CLCN2: variants seen among roughly 807,000 people sequenced by gnomAD.
CLCN2 encodes chloride voltage-gated channel 2.
In CLCN2, 72 loss-of-function variants were observed where a neutral mutation model predicts 108.3. The ratio of observed to expected loss-of-function variants is 0.66; its 90% CI spans 0.55 to 0.81. CLCN2 has a LOEUF of 0.81. Among genes scored for constraint, CLCN2 ranks in the 30% least tolerant of loss-of-function variants. The pLI is 0.00. For missense variants in CLCN2, 1,048 were observed against 1,205.2 expected (o/e 0.87, Z 1.93); for synonymous variants, 471 against 467.1 (o/e 1.01, Z -0.11).
At position 184,355,245 on chromosome 3, in the gene CLCN2, T is replaced by G; in HGVS notation, c.1326+129A>C. 9.2e-7 allele frequency: 1 copy of G among 1,085,128 alleles called. No homozygotes were observed. Among genetic ancestry groups the G allele is most frequent in the Non-Finnish European group, 1.4e-6 (1 of 708,890 alleles). The allele number at this position is 1,085,128 out of a possible 1,614,324, so 67.2% of individuals were successfully genotyped here. On this transcript the variant is annotated intron_variant, in intron 12 of 23. Coordinates refer to ENST00000265593, the MANE Select transcript of CLCN2 (RefSeq NM_004366.6). This position sits in a 1 kb window ranked among gnomAD's most constrained non-coding sequence, Gnocchi z 6.3. ...ACTTGTGTTTCGACTCCCCCATCTTTCAAACGGGGGTGATAATAGTGCCTT... is the reference window on the plus strand; with the variant it reads ...ACTTGTGTTTCGACTCCCCCATCTTGCAAACGGGGGTGATAATAGTGCCTT...
In CLCN2 at chr3:184,355,751, G is replaced by A; in HGVS notation, c.1113C>T (p.Thr371=). The A allele has an allele frequency of 6.2e-7, 1 of 1,614,182 alleles. No individual in the cohort carries two copies. The change falls in exon 11 of 24, where the codon ACC becomes ACT. Residue 371 remains threonine, a synonymous_variant. Transcript: ENST00000265593. The surrounding 1 kb of genome is among the most constrained non-coding windows in gnomAD (Gnocchi z 6.3). Reference sequence around the variant, plus strand: ...GGAAGGTCAGCGTGGAGATGAGCAGGGTCACCAGAGCCGGGAAGAGCAGGC... The same window carrying A: ...GGAAGGTCAGCGTGGAGATGAGCAGAGTCACCAGAGCCGGGAAGAGCAGGC... ...RKRLLFPALV[T]LLISTLTFPP... is the part of the protein sequence containing the mutation.
chr3:184,349,864 T>C (rs2108557804), intron 22 of CLCN2, among the ~76,000 whole-genome samples: 1 of 152,278 alleles, frequency 6.6e-6, no homozygotes, highest in South Asian at 2.1e-4. Context: ...CACTCTGGCC[T>C]TTACCATTGC....
chr3:184,359,777 C>T (rs1711729551), intron 1 of CLCN2, among the ~76,000 whole-genome samples: 1 of 152,176 alleles, frequency 6.6e-6, no homozygotes, highest in Non-Finnish European at 1.5e-5. Context: ...CATTCTGGAG[C>T]TGCACTGAGC....
chr3:184,354,497 G>C (rs765886205), intron 14 of CLCN2, 51 bp downstream of exon 14: 2 of 1,488,662 alleles, frequency 1.3e-6, no homozygotes, highest in South Asian at 2.3e-5. Flanking sequence ...CCCTGTGGCT[G>C]GGGCGTGGGT....
At chr3:184,356,828 C>T (rs1023318838) in intron 10 of CLCN2, 165 bp downstream of exon 10, 1 of 651,796 alleles carries the variant, frequency 1.5e-6, no homozygotes, top group Non-Finnish European at 2.8e-6. Flanking sequence ...TCAGGTAATT[C>T]ATATGAATAT....
rs1368672272 is a variant in CLCN2 at position 184,354,917 on chromosome 3, AG to A, written c.1382del (p.Pro461LeufsTer51). ...CTGAGAACTCACCAATGACAAAGACAGGCATGAAGGCCCCACAGGGAACTGG... is the reference window on the plus strand; with the variant it reads ...CTGAGAACTCACCAATGACAAAGACAGCATGAAGGCCCCACAGGGAACTGG... ...TIPVPCGAFM[P>X]VFVIGAAFGR... is the part of the protein sequence containing the mutation. On this transcript the variant is annotated frameshift_variant, in exon 13 of 24. Transcript: ENST00000265593. LOFTEE classifies it high-confidence loss of function. The A allele has an allele frequency of 1.2e-6, 2 of 1,613,942 alleles. No individual in the cohort carries two copies. The highest frequency in any genetic ancestry group is 1.7e-6 in the Non-Finnish European group (2 of 1,179,952).
At position 184,358,802 on chromosome 3, in the gene CLCN2, G is replaced by A. The variant is rs746609426; in HGVS notation, c.232C>T (p.Arg78Cys). ...RCARCRVCSV[R>C]CHKFLVSRVG... Reference sequence around the variant, plus strand: ...CTGGATACTAGGAACTTGTGGCAGCGGACAGAACAGACTGGGTGCAGGGAA... The same window carrying A: ...CTGGATACTAGGAACTTGTGGCAGCAGACAGAACAGACTGGGTGCAGGGAA... Residue 78 changes from arginine to cysteine, a missense_variant, in exon 3 of 24, where the codon CGC becomes TGC. Coordinates refer to ENST00000265593, the MANE Select transcript of CLCN2 (RefSeq NM_004366.6). The A allele has an allele frequency of 6.8e-6, 11 of 1,613,562 alleles. No individual in the cohort carries two copies. Among genetic ancestry groups the A allele is most frequent in the African/African-American group, 2.7e-5 (2 of 74,920 alleles).
Position 184,354,833 on chromosome 3 carries a change from AGGGTTGGCT to A in CLCN2, c.1396+62_1396+70del, listed in dbSNP as rs1728420653. 4 of 1,534,072 alleles carry A rather than the reference AGGGTTGGCT, an allele frequency of 2.6e-6. No individual in the cohort carries two copies. The African/African-American group carries it at 4.1e-5, about 16-fold the overall frequency. ...GGACCAAAAACCCGCTCTTGGGCAG[AGGGTTGGCT>A]GGGGGGGTGGCCAGAGGCTGAGGAA... On this transcript the variant is annotated intron_variant, in intron 13 of 23. Coordinates refer to ENST00000265593, the MANE Select transcript of CLCN2 (RefSeq NM_004366.6).
rs368792864 is a variant in CLCN2 at position 184,354,820 on chromosome 3, C to T, written c.1396+84G>A. The T allele has an allele frequency of 5.6e-5, 84 of 1,510,488 alleles. 1 individual carries two copies. The South Asian group carries it at 7.5e-4, about 14-fold the overall frequency. 93.6% of individuals were successfully genotyped at this position (1,510,488 alleles called of 1,614,324 possible). On this transcript the variant is annotated intron_variant, in intron 13 of 23. Transcript: ENST00000265593. ...TCGGGCTAGGGCTGGACCAAAAACC[C>T]GCTCTTGGGCAGAGGGTTGGCTGGG...
intron 10 of CLCN2, 52 bp downstream of exon 10, chr3:184,356,941 G>C: frequency 7.7e-7 from 1 of 1,291,640 alleles, no homozygotes; most frequent in Non-Finnish European, 1.1e-6. Flanking sequence ...CTGACCTACT[G>C]TGGCCCTTAT....
chr3:184,353,608 G>A (rs958189069), intron 16 of CLCN2, 54 bp downstream of exon 16: 53 of 1,607,094 alleles, frequency 3.3e-5, no homozygotes, highest in East Asian at 8.9e-5. Context: ...GCCCCTTCCC[G>A]AAGCTTCGAC....
intron 1 of CLCN2, among the ~76,000 whole-genome samples, chr3:184,359,388 C>T (rs551372538): frequency 3.3e-5 from 5 of 152,330 alleles, no homozygotes; most frequent in Admixed American, 3.3e-4. Flanking sequence ...GTCCTCTTCT[C>T]ACAGGCCTGG....
At position 184,352,288 on chromosome 3, in the gene CLCN2, C is replaced by G. The variant is rs370148251; in HGVS notation, c.2310+5G>C. ...AACAGGGTCCAGAGTCCAGTGGCACCTTACCTCTTCAGGGCTCATCTCGCC... is the reference window on the plus strand; with the variant it reads ...AACAGGGTCCAGAGTCCAGTGGCACGTTACCTCTTCAGGGCTCATCTCGCC... On this transcript the variant is annotated splice_donor_5th_base_variant and intron_variant, in intron 21 of 23. Transcript: ENST00000265593. The G allele has an allele frequency of 6.2e-7, 1 of 1,613,348 alleles. No homozygotes were observed. Among genetic ancestry groups the G allele is most frequent in the East Asian group, 2.2e-5 (1 of 44,890 alleles).
At chr3:184,352,614 A>G (rs1476886142) in intron 19 of CLCN2, 118 bp from the exon 20 acceptor site, 3 of 1,448,466 alleles carry the variant, frequency 2.1e-6, no homozygotes, top group African/African-American at 2.8e-5. Context: ...CTGAGCTGAC[A>G]GCAGGGAGGG....
chr3:184,346,749 G>C lies in CLCN2; in HGVS notation c.2554C>G (p.Pro852Ala). 1 of 1,614,144 alleles carries C rather than the reference G, an allele frequency of 6.2e-7. No homozygotes were observed. ...SVTAQGVKVR[P>A]PLASFRDSAT... ...CTGTCTCGGAAGCTGGCGAGGGGCG[G>C]CCGGACTTTCACACCCTGTGCTGTG... Residue 852 changes from proline to alanine, a missense_variant, in exon 24 of 24, where the codon CCG becomes GCG. Transcript: ENST00000265593. The surrounding 1 kb of genome is among the most constrained non-coding windows in gnomAD (Gnocchi z 6.0).
At position 184,346,254 on chromosome 3, in the gene CLCN2, TA is replaced by T. The variant is rs1727658833; in HGVS notation, c.*351del. On this transcript the variant is annotated 3_prime_UTR_variant, in exon 24 of 24. Transcript: ENST00000265593. This position sits in a 1 kb window ranked among gnomAD's most constrained non-coding sequence, Gnocchi z 6.0. ...AAGAATTTGTTTTATTAAATTAATA[TA>T]AAAATCTTTGTAAATCTCTATATAC... 3.5e-6 allele frequency: 1 copy of T among 284,372 alleles called. No homozygotes were observed. The allele number at this position is 284,372 out of a possible 1,614,324, so 17.6% of individuals were successfully genotyped here. A position where few individuals can be genotyped will look rare whatever the true frequency, so the allele number is the denominator to read the frequency against.
chr3:184,354,959 T>C lies in CLCN2; in HGVS notation c.1341A>G (p.Ala447=). 1 of 1,613,888 alleles carries C rather than the reference T, an allele frequency of 6.2e-7. No individual in the cohort carries two copies. The highest frequency in any genetic ancestry group is 1.1e-5 in the South Asian group (1 of 91,084). Residue 447 remains alanine, a synonymous_variant, in exon 13 of 24, where the codon GCA becomes GCG. Coordinates refer to ENST00000265593, the MANE Select transcript of CLCN2 (RefSeq NM_004366.6). ...IFILMKFWMS[A]LATTIPVPCG... The stretch of plus-strand genomic sequence containing the variant: ...AGGGAACTGGGATGGTGGTGGCCAG[T>C]GCAGACATCCAGAACTGCAGGCAGG...
In CLCN2 at chr3:184,358,322, G is replaced by A; in HGVS notation, c.353-12C>T. The A allele has an allele frequency of 1.9e-6, 3 of 1,613,302 alleles. No homozygotes were observed. Among genetic ancestry groups the A allele is most frequent in the South Asian group, 1.1e-5 (1 of 91,066 alleles). ...CATCCACTGCTGGGCTGTGGGAAGA[G>A]GACCTGCTGGACCCCCAGTGCACAC... On this transcript the variant is annotated splice_polypyrimidine_tract_variant and intron_variant, in intron 3 of 23. Coordinates refer to ENST00000265593, the MANE Select transcript of CLCN2 (RefSeq NM_004366.6).
chr3:184,347,665 C>G (rs1485007970), intron 22 of CLCN2: 1 of 166,490 alleles, frequency 6.0e-6, no homozygotes, highest in Non-Finnish European at 1.3e-5. Flanking sequence ...TGGAGTCTCT[C>G]TCCCCTGCTC....
Sources: gnomAD v4.1 joint callset for allele counts (sites outside exome capture counted in the v4.1 genomes callset) on GRCh38, gnomAD v4.1.1 for gene constraint, Gnocchi (gnomAD v3.1) non-coding constraint, MANE v1.5 for transcripts, NCBI Gene and HGNC (gene_info 2026-07-23, HGNC 2026-07-21) for gene names.